Variants in MAP10 observed in about 807,000 individuals in gnomAD.
The protein encoded by MAP10 is microtubule associated protein 10.
A neutral mutation model predicts 6.3 loss-of-function variants in MAP10; 10 were observed. The observed-to-expected ratio is 1.58, with a 90% confidence interval of 0.98 to 2.69. The LOEUF (loss-of-function observed/expected upper bound fraction) is 2.69, where lower values mean the gene tolerates loss of function less well. MAP10 is among the 30% of genes most tolerant of loss of function. MAP10 has a pLI of 0.00. For synonymous variants in MAP10, 459 were observed against 429.3 expected, an observed-to-expected ratio of 1.07 and a Z score of -0.86; for missense variants, 1,189 against 1,086.5, an observed-to-expected ratio of 1.09 and a Z score of -1.33.
chr1:232,809,457 A>G lies in MAP10; in HGVS notation c.*1290A>G, dbSNP rs1422385869. ...TATGAATAAAAGAGTGATGGGAATGAGCCTGATATATTTATGGGACAATTT... is the reference window on the plus strand; with the variant it reads ...TATGAATAAAAGAGTGATGGGAATGGGCCTGATATATTTATGGGACAATTT... On this transcript the variant is annotated 3_prime_UTR_variant, in exon 1 of 1. Transcript: ENST00000418460. Among the ~76,000 whole-genome samples the G allele has an allele frequency of 6.6e-6, 1 of 152,024 alleles. No homozygotes were observed. Among genetic ancestry groups the G allele is most frequent in the Non-Finnish European group, 1.5e-5 (1 of 67,908 alleles).
chr1:232,809,589 A>G lies in MAP10; in HGVS notation c.*1422A>G, dbSNP rs982409061. The stretch of plus-strand genomic sequence containing the variant: ...TTACAGAGAGCCTCAAATGCTAAGT[A>G]TAATAATAGAATTCTAAGCAATAGG... On this transcript the variant is annotated 3_prime_UTR_variant, in exon 1 of 1. Transcript: ENST00000418460. Among the ~76,000 whole-genome samples the G allele has an allele frequency of 6.6e-6, 1 of 152,110 alleles. No homozygotes were observed. The highest frequency in any genetic ancestry group is 1.5e-5 in the Non-Finnish European group (1 of 67,924).
chr1:232,806,029 C>T lies in MAP10; in HGVS notation c.580C>T (p.Arg194Trp). 2 of 1,613,884 alleles carry T rather than the reference C, an allele frequency of 1.2e-6. No homozygotes were observed. Among genetic ancestry groups the T allele is most frequent in the South Asian group, 1.1e-5 (1 of 91,064 alleles). ...LGSRLLSQLE[R>W]PLTFTRTGGG... Reference sequence around the variant, plus strand: ...AAGCCGCCTGCTGAGCCAACTTGAGCGGCCCCTCACCTTCACCCGCACAGG... The same window carrying T: ...AAGCCGCCTGCTGAGCCAACTTGAGTGGCCCCTCACCTTCACCCGCACAGG... Residue 194 changes from arginine to tryptophan, a missense_variant, in exon 1 of 1, where the codon CGG becomes TGG. Arg to Trp is a moderately radical substitution (Grantham distance 101). Coordinates refer to ENST00000418460, the MANE Select transcript of MAP10 (RefSeq NM_019090.3).
chr1:232,805,602 C>T lies in MAP10; in HGVS notation c.153C>T (p.Arg51=). The change falls in exon 1 of 1, where the codon CGC becomes CGT. Residue 51 remains arginine, a synonymous_variant. Transcript: ENST00000418460. The part of the protein sequence containing the change: ...EKEQGEASSP[R]GLCPAVAFRL... ...AGCAGGGGGAGGCCTCGTCGCCGCG[C>T]GGTCTGTGCCCCGCCGTGGCCTTCC... 6.4e-7 allele frequency: 1 copy of T among 1,559,672 alleles called. No individual in the cohort carries two copies. The highest frequency in any genetic ancestry group is 8.7e-7 in the Non-Finnish European group (1 of 1,154,734).
Position 232,809,293 on chromosome 1 carries a change from G to T in MAP10, c.*1126G>T, listed in dbSNP as rs16858236. 1.3e-5 allele frequency among the ~76,000 whole-genome samples: 2 copies of T among 151,688 alleles called. No individual in the cohort carries two copies. The highest frequency in any genetic ancestry group is 2.9e-5 in the Non-Finnish European group (2 of 67,834). On this transcript the variant is annotated 3_prime_UTR_variant, in exon 1 of 1. Transcript: ENST00000418460. Reference sequence around the variant, plus strand: ...TTTTAGACTTTTTAATATATCTAACGTTTTTGAATGTATGAAGTGAGGTTC... The same window carrying T: ...TTTTAGACTTTTTAATATATCTAACTTTTTTGAATGTATGAAGTGAGGTTC...
chr1:232,807,739 C>A lies in MAP10; in HGVS notation c.2290C>A (p.Pro764Thr). ...TAGTGACAGGAGTTCTATCCTTAGC[C>A]CACCTTTTTCAGCCGGGTCACCTGT... ...NSSDRSSILS[P>T]PFSAGSPVHS... Residue 764 changes from proline to threonine, a missense_variant, in exon 1 of 1, where the codon CCA becomes ACA. Physicochemically the swap from Pro to Thr is conservative, Grantham distance 38. Transcript: ENST00000418460. 1.2e-6 allele frequency: 2 copies of A among 1,613,446 alleles called. No homozygotes were observed. Among genetic ancestry groups the A allele is most frequent in the Non-Finnish European group, 1.7e-6 (2 of 1,179,716 alleles).
chr1:232,809,020 T>C lies in MAP10; in HGVS notation c.*853T>C, dbSNP rs538627680. Among the ~76,000 whole-genome samples, 3 of 152,238 alleles carry C rather than the reference T, an allele frequency of 2.0e-5. No individual in the cohort carries two copies. The highest frequency in any genetic ancestry group is 7.2e-5 in the African/African-American group (3 of 41,578). On this transcript the variant is annotated 3_prime_UTR_variant, in exon 1 of 1. Transcript: ENST00000418460. The stretch of plus-strand genomic sequence containing the variant: ...ATATTTCTGTTTTGCTTGGTATAAA[T>C]AGCCTTCAGGTGTTCTCTGAAATAT...
Position 232,808,232 on chromosome 1 carries a change from CTGTT to C in MAP10, c.*67_*70del. 2 of 999,370 alleles carry C rather than the reference CTGTT, an allele frequency of 2.0e-6. No individual in the cohort carries two copies. The highest frequency in any genetic ancestry group is 2.8e-6 in the Non-Finnish European group (2 of 726,688). The allele number at this position is 999,370 out of a possible 1,614,324, so 61.9% of individuals were successfully genotyped here. On this transcript the variant is annotated 3_prime_UTR_variant, in exon 1 of 1. Transcript: ENST00000418460. ...ACTGTTAGTGAAAAAAATTTTAAAG[CTGTT>C]TTAGTTCATGAATTATGTGAATAAT...
chr1:232,806,364 T>G, the MAP10 span: 1 of 1,613,900 alleles, frequency 6.2e-7, no homozygotes, highest in Non-Finnish European at 8.5e-7. Context: ...CTCCTTTGTA[T>G]TACACTAACT....
Position 232,805,829 on chromosome 1 carries a change from C to T in MAP10, c.380C>T (p.Pro127Leu). ...LLQLPPGRPT[P>L]TPQLLGACDI... ...CAGCTGCCCCCTGGGCGCCCGACGC[C>T]CACCCCACAGCTCCTGGGGGCCTGC... is the stretch of plus-strand genomic sequence containing the variant. Residue 127 changes from proline (P) to leucine (L), a missense_variant, in exon 1 of 1, where the codon CCC becomes CTC. Physicochemically the swap from Pro to Leu is moderately conservative, Grantham distance 98. Transcript: ENST00000418460. The T allele has an allele frequency of 6.3e-7, 1 of 1,590,600 alleles. No homozygotes were observed.
chr1:232,808,041 C>A lies in MAP10; in HGVS notation c.2592C>A (p.Val864=). 6.2e-7 allele frequency: 1 copy of A among 1,613,114 alleles called. No individual in the cohort carries two copies. The highest frequency in any genetic ancestry group is 8.5e-7 in the Non-Finnish European group (1 of 1,179,264). ...CTTCAAATGTGTCCGAACTTAATGT[C>A]CTGGATAGCAGTACATCAGATCACT... ...YLPSNVSELN[V]LDSSTSDHFE... is the part of the protein sequence containing the mutation. The change falls in exon 1 of 1, where the codon GTC becomes GTA. Residue 864 remains valine (V), a synonymous_variant. Coordinates refer to ENST00000418460, the MANE Select transcript of MAP10 (RefSeq NM_019090.3).
Position 232,805,707 on chromosome 1 carries a change from C to T in MAP10, c.258C>T (p.Val86=), listed in dbSNP as rs1163200269. The part of the protein sequence containing the change: ...GAPAAEPWPG[V]IRFGRGKSCL... Reference sequence around the variant, plus strand: ...CCGCCGCCGAACCGTGGCCCGGTGTCATCCGCTTCGGTCGCGGCAAGTCCT... The same window carrying T: ...CCGCCGCCGAACCGTGGCCCGGTGTTATCCGCTTCGGTCGCGGCAAGTCCT... Residue 86 remains valine (V), a synonymous_variant, in exon 1 of 1, where the codon GTC becomes GTT. Coordinates refer to ENST00000418460, the MANE Select transcript of MAP10 (RefSeq NM_019090.3). 10 of 1,604,256 alleles carry T rather than the reference C, an allele frequency of 6.2e-6. No homozygotes were observed. In the East Asian group the frequency reaches 1.8e-4, roughly 29 times the overall value.
At position 232,809,721 on chromosome 1, in the gene MAP10, G is replaced by C. The variant is rs1666168732; in HGVS notation, c.*1554G>C. On this transcript the variant is annotated 3_prime_UTR_variant, in exon 1 of 1. Transcript: ENST00000418460. Reference sequence around the variant, plus strand: ...AAGCAGAGAAATTATATCAGTTAAAGTTTTGAGATATGAAAGGTTTCTGTG... The same window carrying C: ...AAGCAGAGAAATTATATCAGTTAAACTTTTGAGATATGAAAGGTTTCTGTG... Among the ~76,000 whole-genome samples, 1 of 151,994 alleles carries C rather than the reference G, an allele frequency of 6.6e-6. No homozygotes were observed. Among genetic ancestry groups the C allele is most frequent in the South Asian group, 2.1e-4 (1 of 4,830 alleles).
chr1:232,806,233 G>A lies in MAP10; in HGVS notation c.784G>A (p.Val262Met). Residue 262 changes from valine (V) to methionine (M), a missense_variant, in exon 1 of 1, where the codon GTG (valine) becomes ATG (methionine). By Grantham distance (21) the Val-to-Met change is conservative. Coordinates refer to ENST00000418460, the MANE Select transcript of MAP10 (RefSeq NM_019090.3). ...GGCCGAATGTGATAATGTGGGTTCT[G>A]TGGAGAATGGCAAAACCAATTCTGT... is the stretch of plus-strand genomic sequence containing the variant. ...SKAECDNVGS[V>M]ENGKTNSVVT... The A allele has an allele frequency of 6.2e-7, 1 of 1,613,970 alleles. No homozygotes were observed.
rs1666080566 is a variant in MAP10, at chr1:232,805,579, C to A, written c.130C>A (p.Gln44Lys). Reference protein sequence around the residue: ...EQEEEEEEKEQGEASSPRGLC... With the variant: ...EQEEEEEEKEKGEASSPRGLC... ...GGAGGAGGAAGAGGAGGAAAAGGAG[C>A]AGGGGGAGGCCTCGTCGCCGCGCGG... is the stretch of plus-strand genomic sequence containing the variant. Residue 44 changes from glutamine (Q) to lysine (K), a missense_variant, in exon 1 of 1, where the codon CAG becomes AAG. Coordinates refer to ENST00000418460, the MANE Select transcript of MAP10 (RefSeq NM_019090.3). 6.4e-7 allele frequency: 1 copy of A among 1,556,222 alleles called. No homozygotes were observed. Among genetic ancestry groups the A allele is most frequent in the Non-Finnish European group, 8.7e-7 (1 of 1,151,676 alleles).
chr1:232,805,926 G>T lies in MAP10; in HGVS notation c.477G>T (p.Arg159=). Residue 159 remains arginine, a synonymous_variant, in exon 1 of 1, where the codon CGG becomes CGT. Transcript: ENST00000418460. The part of the protein sequence containing the change: ...PAASGCSHRH[R]GRFPLHNRVG... Reference sequence around the variant, plus strand: ...CCTCCGGATGCTCCCACCGTCACCGGGGACGTTTCCCCCTGCATAATCGAG... The same window carrying T: ...CCTCCGGATGCTCCCACCGTCACCGTGGACGTTTCCCCCTGCATAATCGAG... 1 of 1,611,010 alleles carries T rather than the reference G, an allele frequency of 6.2e-7. No individual in the cohort carries two copies. Among genetic ancestry groups the T allele is most frequent in the Non-Finnish European group, 8.5e-7 (1 of 1,179,008 alleles).
In MAP10 at chr1:232,808,205, G is replaced by T; in HGVS notation, c.*38G>T. 2.2e-6 allele frequency: 3 copies of T among 1,348,590 alleles called. No individual in the cohort carries two copies. The highest frequency in any genetic ancestry group is 9.7e-7 in the Non-Finnish European group (1 of 1,026,532). 83.5% of individuals were successfully genotyped at this position (1,348,590 alleles called of 1,614,324 possible). On this transcript the variant is annotated 3_prime_UTR_variant, in exon 1 of 1. Coordinates refer to ENST00000418460, the MANE Select transcript of MAP10 (RefSeq NM_019090.3). ...TTAAAAAACTTTCAAGGACCTATGT[G>T]TACTGTTAGTGAAAAAAATTTTAAA...
chr1:232,807,856 C>T lies in MAP10; in HGVS notation c.2407C>T (p.His803Tyr), dbSNP rs761167378. Residue 803 changes from histidine to tyrosine, a missense_variant, in exon 1 of 1, where the codon CAT (histidine) becomes TAT (tyrosine). Coordinates refer to ENST00000418460, the MANE Select transcript of MAP10 (RefSeq NM_019090.3). ...SISASDLSST[H>Y]WTEQKENQID... ...CTCTGCTAGTGATTTATCTTCAACACATTGGACTGAACAAAAAGAAAACCA... is the reference window on the plus strand; with the variant it reads ...CTCTGCTAGTGATTTATCTTCAACATATTGGACTGAACAAAAAGAAAACCA... The T allele has an allele frequency of 3.1e-6, 5 of 1,613,318 alleles. No individual in the cohort carries two copies. The South Asian group carries it at 5.5e-5, about 18-fold the overall frequency.
Position 232,806,555 on chromosome 1 carries a change from C to T in MAP10, c.1106C>T (p.Pro369Leu), listed in dbSNP as rs1378029215. Residue 369 changes from proline to leucine, a missense_variant, in exon 1 of 1, where the codon CCT becomes CTT. Pro to Leu is a moderately conservative substitution (Grantham distance 98). Transcript: ENST00000418460. The part of the protein sequence containing the change: ...AHEHPPMLVN[P>L]PHIQNIGATN... Reference sequence around the variant, plus strand: ...GAACATCCTCCAATGCTTGTAAATCCTCCACATATTCAGAATATAGGAGCA... The same window carrying T: ...GAACATCCTCCAATGCTTGTAAATCTTCCACATATTCAGAATATAGGAGCA... 6.2e-7 allele frequency: 1 copy of T among 1,613,902 alleles called. No individual in the cohort carries two copies. Among genetic ancestry groups the T allele is most frequent in the East Asian group, 2.2e-5 (1 of 44,882 alleles).
At position 232,806,456 on chromosome 1, in the gene MAP10, C is replaced by T. The variant is rs747357408; in HGVS notation, c.1007C>T (p.Ala336Val). The change falls in exon 1 of 1, where the codon GCT becomes GTT. Residue 336 changes from alanine to valine, a missense_variant. Physicochemically the swap from Ala to Val is moderately conservative, Grantham distance 64. Coordinates refer to ENST00000418460, the MANE Select transcript of MAP10 (RefSeq NM_019090.3). The part of the protein sequence containing the change: ...QMNAPEEMDD[A>V]SPEKKRVNPP... ...AATGCACCTGAGGAAATGGATGATG[C>T]TTCTCCTGAAAAAAAGCGTGTAAAT... 1.2e-6 allele frequency: 2 copies of T among 1,613,832 alleles called. No homozygotes were observed. Among genetic ancestry groups the T allele is most frequent in the Non-Finnish European group, 1.7e-6 (2 of 1,179,874 alleles).
Sources: allele counts gnomAD v4.1 joint callset (sites outside exome capture counted in the v4.1 genomes callset), GRCh38; gene constraint gnomAD v4.1.1; transcripts MANE v1.5; gene names NCBI Gene and HGNC (gene_info 2026-07-23, HGNC 2026-07-21).